RNF121: variants seen among roughly 807,000 people sequenced by gnomAD.
The protein encoded by RNF121 is ring finger protein 121.
A neutral mutation model predicts 46.5 loss-of-function variants in RNF121; 21 were observed. The observed-to-expected ratio is 0.45, with a 90% CI of 0.32 to 0.65. The LOEUF is 0.65. Among genes scored for constraint, RNF121 ranks in the 30% least tolerant of loss-of-function variants. RNF121 has a pLI of 0.04. For missense variants in RNF121, 346 were observed against 416.0 expected, an observed-to-expected ratio of 0.83 and a Z score of 1.46; for synonymous variants, 139 against 144.7, an observed-to-expected ratio of 0.96 and a Z score of 0.28.
chr11:71,990,469 G>A, intron 5 of RNF121, 128 bp from the exon 6 acceptor site: 1 of 1,158,642 alleles, frequency 8.6e-7, no homozygotes, highest in South Asian at 1.5e-5. Context: ...TTTGGTCATA[G>A]TTTGCCCGCA....
At chr11:71,956,870 G>A (rs1954001878) in intron 1 of RNF121, among the ~76,000 whole-genome samples, 1 of 152,166 alleles carries the variant, frequency 6.6e-6, no homozygotes, top group Non-Finnish European at 1.5e-5. Flanking sequence ...AGGTTAAAAG[G>A]CAAGGCACCT....
rs1405679810 is a variant in RNF121, at chr11:71,991,940, A to G, written c.627+1223A>G. 2.6e-5 allele frequency among the ~76,000 whole-genome samples: 4 copies of G among 151,200 alleles called. No homozygotes were observed. The East Asian group carries it at 7.8e-4, about 29-fold the overall frequency. On this transcript the variant is annotated intron_variant, in intron 6 of 8. Coordinates refer to ENST00000361756, the MANE Select transcript of RNF121 (RefSeq NM_018320.5). ...AGCACCATAGTGAGACCCCATCTCTACAAAAAAATGAGACAAAAAAAAAAA... is the reference window on the plus strand; with the variant it reads ...AGCACCATAGTGAGACCCCATCTCTGCAAAAAAATGAGACAAAAAAAAAAA...
intron 1 of RNF121, among the ~76,000 whole-genome samples, chr11:71,945,237 C>A (rs1262864294): frequency 1.3e-5 from 2 of 152,208 alleles, no homozygotes; most frequent in African/African-American, 4.8e-5. Flanking sequence ...GATCCTCCTG[C>A]CTCGGGCTCC....
intron 2 of RNF121, among the ~76,000 whole-genome samples, chr11:71,960,316 C>T (rs1372765187): frequency 1.3e-5 from 2 of 152,202 alleles, no homozygotes; most frequent in African/African-American, 4.8e-5. Flanking sequence ...AGCGTTACTC[C>T]TTTACTGCTG....
chr11:71,974,503 G>C (rs981038124), intron 3 of RNF121, among the ~76,000 whole-genome samples: 23 of 152,122 alleles, frequency 1.5e-4, no homozygotes, highest in African/African-American at 5.3e-4. Flanking sequence ...TTTATCTTCA[G>C]TTTTCAGATT....
intron 4 of RNF121, 98 bp from the exon 5 acceptor site, chr11:71,986,906 G>A (rs1476037577): frequency 1.7e-5 from 13 of 747,486 alleles, no homozygotes; most frequent in Non-Finnish European, 2.6e-5. Context: ...AAAGACCCTG[G>A]TGTCCCCATT....
chr11:71,936,646 G>A (rs942431160), intron 1 of RNF121, among the ~76,000 whole-genome samples: 7 of 152,022 alleles, frequency 4.6e-5, no homozygotes, highest in South Asian at 2.1e-4. Context: ...CACCCGCCTC[G>A]GCCTCCCAAA....
intron 3 of RNF121, among the ~76,000 whole-genome samples, chr11:71,967,524 AT>A (rs1452808056): frequency 6.6e-6 from 1 of 151,644 alleles, no homozygotes; most frequent in African/African-American, 2.4e-5. Context: ...TAATTTTTGT[AT>A]TTTTAGTACA....
intron 3 of RNF121, among the ~76,000 whole-genome samples, chr11:71,964,451 T>G (rs1565151529): frequency 6.6e-6 from 1 of 152,146 alleles, no homozygotes; most frequent in Non-Finnish European, 1.5e-5. Context: ...AGAGTTTCAC[T>G]TCTTCTTTTC....
At chr11:71,956,084 A>C (rs1792232678) in intron 1 of RNF121, among the ~76,000 whole-genome samples, 1 of 152,216 alleles carries the variant, frequency 6.6e-6, no homozygotes, top group Admixed American at 6.5e-5. Context: ...TTGACTCAGT[A>C]GTAGAATGAA....
chr11:71,929,072 T>TGGTGGA lies in RNF121; in HGVS notation c.21_26dup (p.Glu8_Val9dup). ...GGGCGAGCCGTGAAGATGGCGGCAG[T>TGGTGGA]GGTGGAGGTGGAGGTTGGAGGTGGT... On this transcript the variant is annotated inframe_insertion, in exon 1 of 9. Coordinates refer to ENST00000361756, the MANE Select transcript of RNF121 (RefSeq NM_018320.5). 6.4e-7 allele frequency: 1 copy of TGGTGGA among 1,550,948 alleles called. No individual in the cohort carries two copies. The highest frequency in any genetic ancestry group is 8.7e-7 in the Non-Finnish European group (1 of 1,146,918).
chr11:71,958,911 G>A lies in RNF121; in HGVS notation c.101+1647G>A, dbSNP rs563398616. On this transcript the variant is annotated intron_variant, in intron 2 of 8. Coordinates refer to ENST00000361756, the MANE Select transcript of RNF121 (RefSeq NM_018320.5). ...CTTTGACTTCATTTTGTGCACATCC[G>A]TTCACTGATATGTTGTCTGAGAACA... Among the ~76,000 whole-genome samples the A allele has an allele frequency of 3.9e-4, 59 of 152,228 alleles. 1 individual carries two copies. The South Asian group carries it at 0.012, about 31-fold the overall frequency.
intron 3 of RNF121, among the ~76,000 whole-genome samples, chr11:71,981,732 C>G (rs776737560): frequency 3.2e-4 from 48 of 152,184 alleles, no homozygotes; most frequent in Non-Finnish European, 1.3e-4. Flanking sequence ...ATGTGCCTCT[C>G]TCTGAGGGAG....
At chr11:71,936,541 C>T (rs1000172673) in intron 1 of RNF121, among the ~76,000 whole-genome samples, 1 of 152,116 alleles carries the variant, frequency 6.6e-6, no homozygotes, top group Non-Finnish European at 1.5e-5. Flanking sequence ...AGGTGCCTGC[C>T]ACCACGCCTG....
chr11:71,947,646 G>A (rs192195584), intron 1 of RNF121, among the ~76,000 whole-genome samples: 152 of 152,292 alleles, frequency 1.0e-3, no homozygotes, highest in Non-Finnish European at 1.6e-3. Flanking sequence ...AAATAAGGTC[G>A]CTGGTTGGGC....
chr11:71,935,725 A>C (rs1468315599), intron 1 of RNF121, among the ~76,000 whole-genome samples: 1 of 152,188 alleles, frequency 6.6e-6, no homozygotes. Context: ...GATCTCTTGC[A>C]GCTTTGAAAG....
At chr11:71,951,478 T>G (rs1401019046) in intron 1 of RNF121, among the ~76,000 whole-genome samples, 1 of 151,946 alleles carries the variant, frequency 6.6e-6, no homozygotes, top group African/African-American at 2.4e-5. Context: ...CTTGGGAGGC[T>G]GAGGTAGTCT....
intron 3 of RNF121, among the ~76,000 whole-genome samples, chr11:71,963,042 A>C (rs1954175963): frequency 6.6e-6 from 1 of 152,054 alleles, no homozygotes; most frequent in Admixed American, 6.6e-5. Context: ...GTCTTTGCCC[A>C]ATTTTTGGTT....
intron 7 of RNF121, 104 bp from the exon 8 acceptor site, chr11:71,995,346 C>G: frequency 1.2e-6 from 1 of 864,688 alleles, no homozygotes; most frequent in Admixed American, 2.1e-5. Flanking sequence ...CCCAACATTA[C>G]AGAGCTGATA....
Sources: gnomAD v4.1 joint callset for allele counts (sites outside exome capture counted in the v4.1 genomes callset) on GRCh38, gnomAD v4.1.1 for gene constraint, MANE v1.5 for transcripts, NCBI Gene and HGNC (gene_info 2026-07-23, HGNC 2026-07-21) for gene names.